SEMA6D: variants seen among roughly 807,000 people sequenced by gnomAD.
SEMA6D encodes semaphorin-6D.
In SEMA6D, 35 loss-of-function variants were observed where a neutral mutation model predicts 106.6. That is an observed-to-expected ratio of 0.33 (90% CI 0.25 to 0.44). The LOEUF is 0.44. Among genes scored for constraint, SEMA6D ranks in the 20% least tolerant of loss-of-function variants. The pLI, the probability that SEMA6D is intolerant of heterozygous loss-of-function variation, is 1.00. For missense variants in SEMA6D, 1,185 were observed against 1,345.9 expected, an observed-to-expected ratio of 0.88 and a Z score of 1.87; for synonymous variants, 499 against 487.7, an observed-to-expected ratio of 1.02 and a Z score of -0.31.
At chr15:47,675,962 G>A (rs2078236476) in intron 4 of SEMA6D, among the ~76,000 whole-genome samples, 1 of 150,852 alleles carries the variant, frequency 6.6e-6, no homozygotes, top group Admixed American at 6.6e-5. Flanking sequence ...GGGGGAGGGG[G>A]GAGAAGCCTT....
chr15:47,644,832 G>A (rs984271101), intron 4 of SEMA6D, among the ~76,000 whole-genome samples: 55 of 152,326 alleles, frequency 3.6e-4, no homozygotes, highest in African/African-American at 1.3e-3. Context: ...GCGGGTCTTA[G>A]AGATAACTGA....
chr15:47,363,866 G>T (rs971003165), intron 1 of SEMA6D, among the ~76,000 whole-genome samples: 16 of 152,168 alleles, frequency 1.1e-4, no homozygotes, highest in Admixed American at 9.8e-4. Flanking sequence ...ATGGCGGAAG[G>T]CGAAGGGGAA....
At position 47,613,302 on chromosome 15, in the gene SEMA6D, T is replaced by G. The variant is rs181428569; in HGVS notation, c.-55+12406T>G. Among the ~76,000 whole-genome samples, 353 of 152,332 alleles carry G rather than the reference T, an allele frequency of 2.3e-3. 2 individuals are homozygous for G. Among genetic ancestry groups the G allele is most frequent in the African/African-American group, 7.8e-3 (326 of 41,572 alleles). ...TTACATTTTAAGTTTCCACTGCATT[T>G]TCAGCACTGTTTTAATGAATATTTC... is the stretch of plus-strand genomic sequence containing the variant. On this transcript the variant is annotated intron_variant, in intron 4 of 19. Coordinates refer to the SEMA6D transcript ENST00000558014.
chr15:47,515,042 C>T (rs1391208706), intron 3 of SEMA6D, among the ~76,000 whole-genome samples: 1 of 152,208 alleles, frequency 6.6e-6, no homozygotes, highest in African/African-American at 2.4e-5. Context: ...CTTTCCCTTG[C>T]ATTCGCCTGG....
chr15:47,768,701 A>G lies in SEMA6D; in HGVS notation c.1886A>G (p.Asp629Gly). The change falls in exon 18 of 19, where the codon GAT (aspartate) becomes GGT (glycine). Residue 629 changes from aspartate to glycine, a missense_variant. By Grantham distance (94) the Asp-to-Gly change is moderately conservative. Coordinates refer to ENST00000536845, the MANE Select transcript of SEMA6D (RefSeq NM_001358351.3). ...TCTCGGAAATTTGTAGTTCAAGATG[A>G]TCCAAACACTTCTGATTTTACTGAT... is the stretch of plus-strand genomic sequence containing the variant. ...TSSRKFVVQD[D>G]PNTSDFTDPL... The G allele has an allele frequency of 6.2e-7, 1 of 1,613,598 alleles. No individual in the cohort carries two copies. Among genetic ancestry groups the G allele is most frequent in the Non-Finnish European group, 8.5e-7 (1 of 1,179,620 alleles).
chr15:47,367,678 A>ACACGCGCGCG (rs1555428921), intron 1 of SEMA6D, among the ~76,000 whole-genome samples: 2 of 137,592 alleles, frequency 1.5e-5, no homozygotes, highest in Non-Finnish European at 3.0e-5. Flanking sequence ...GCACGCTCAC[A>ACACGCGCGCG]CGCGCGCGCG....
At chr15:47,520,535 T>G (rs1317053095) in intron 3 of SEMA6D, among the ~76,000 whole-genome samples, 1 of 152,224 alleles carries the variant, frequency 6.6e-6, no homozygotes, top group Non-Finnish European at 1.5e-5. Context: ...GAACTTAAAT[T>G]TTAACCTCCA....
intron 1 of SEMA6D, among the ~76,000 whole-genome samples, chr15:47,758,039 A>G (rs7169978): frequency 0.015 from 2,298 of 152,198 alleles, 62 homozygotes; most frequent in African/African-American, 0.052. Context: ...CAAAGTCCAT[A>G]CTCTTTTAAC....
At chr15:47,645,363 C>G (rs1347514944) in intron 4 of SEMA6D, among the ~76,000 whole-genome samples, 1 of 152,182 alleles carries the variant, frequency 6.6e-6, no homozygotes, top group Non-Finnish European at 1.5e-5. Flanking sequence ...TTCTCCTTGT[C>G]CAGCCCACTC....
chr15:47,329,747 A>T (rs1159148965), intron 1 of SEMA6D, among the ~76,000 whole-genome samples: 1 of 152,164 alleles, frequency 6.6e-6, no homozygotes, highest in Non-Finnish European at 1.5e-5. Context: ...TCTACCACAG[A>T]CTTACCAAAT....
At chr15:47,552,171 T>C (rs2045715420) in intron 3 of SEMA6D, among the ~76,000 whole-genome samples, 1 of 152,066 alleles carries the variant, frequency 6.6e-6, no homozygotes, top group Admixed American at 6.5e-5. Flanking sequence ...CTGAAGAATA[T>C]TTTGCAGTTG....
At chr15:47,713,525 C>T (rs1462757263), upstream of SEMA6D, among the ~76,000 whole-genome samples, 2 of 152,152 alleles carry the variant, frequency 1.3e-5, no homozygotes, top group African/African-American at 2.4e-5. Flanking sequence ...TCATGGAGAG[C>T]TTAGATTAGT....
At chr15:47,679,797 T>C (rs1444253847) in intron 4 of SEMA6D, among the ~76,000 whole-genome samples, 3 of 152,190 alleles carry the variant, frequency 2.0e-5, no homozygotes, top group African/African-American at 4.8e-5. Context: ...TGAAAGCATT[T>C]TTGCAATCTT....
chr15:47,477,291 A>G (rs1193408103), intron 3 of SEMA6D, among the ~76,000 whole-genome samples: 1 of 152,158 alleles, frequency 6.6e-6, no homozygotes, highest in Non-Finnish European at 1.5e-5. Flanking sequence ...AATGAGGAAC[A>G]CCTGGTGCTC....
At chr15:47,554,228 C>T (rs551395369) in intron 3 of SEMA6D, among the ~76,000 whole-genome samples, 41 of 152,260 alleles carry the variant, frequency 2.7e-4, no homozygotes, top group African/African-American at 9.9e-4. Context: ...AGTGTAGAGT[C>T]CTCTATTCGT....
intron 1 of SEMA6D, among the ~76,000 whole-genome samples, chr15:47,230,761 C>A (rs2032131698): frequency 6.6e-6 from 1 of 152,090 alleles, no homozygotes; most frequent in Non-Finnish European, 1.5e-5. Context: ...CTGAGAAACA[C>A]TAGGGGTGAG....
chr15:47,265,283 T>G (rs2034265416), intron 1 of SEMA6D, among the ~76,000 whole-genome samples: 1 of 152,000 alleles, frequency 6.6e-6, no homozygotes, highest in Non-Finnish European at 1.5e-5. Flanking sequence ...TTATTGATAA[T>G]AAATCTCTTC....
chr15:47,216,755 T>C (rs2030657417), intron 1 of SEMA6D, among the ~76,000 whole-genome samples: 1 of 151,966 alleles, frequency 6.6e-6, no homozygotes, highest in South Asian at 2.1e-4. Context: ...GACCAGTAGA[T>C]ATATAAAAAA....
chr15:47,259,191 T>C (rs993295587), intron 1 of SEMA6D, among the ~76,000 whole-genome samples: 1 of 152,184 alleles, frequency 6.6e-6, no homozygotes, highest in African/African-American at 2.4e-5. Flanking sequence ...CAAATCTGAT[T>C]TACAAAAAAT....
Sources: gnomAD v4.1 joint callset for allele counts (sites outside exome capture counted in the v4.1 genomes callset) on GRCh38, gnomAD v4.1.1 for gene constraint, MANE v1.5 for transcripts, NCBI Gene and HGNC (gene_info 2026-07-23, HGNC 2026-07-21) for gene names.